Variants in CSTPP1 observed in about 807,000 individuals in gnomAD.
CSTPP1 encodes UPF0705 protein C11orf49.
chr11:47,128,310 T>C, the CSTPP1 span, among the ~76,000 whole-genome samples: 1 of 152,224 alleles, frequency 6.6e-6, no homozygotes, highest in African/African-American at 2.4e-5. Flanking sequence ...GGGTGAGAGC[T>C]GTTGAAGAGA....
chr11:47,108,622 G>A, the CSTPP1 span, among the ~76,000 whole-genome samples: 1 of 152,042 alleles, frequency 6.6e-6, no homozygotes, highest in Non-Finnish European at 1.5e-5. Context: ...GAGAAGGATG[G>A]GGAGCAGGAG....
the CSTPP1 span, among the ~76,000 whole-genome samples, chr11:47,130,211 A>G: frequency 1.3e-5 from 2 of 151,720 alleles, no homozygotes; most frequent in South Asian, 2.1e-4. Flanking sequence ...GAGCCGAGAT[A>G]GCGCCACTGC....
At chr11:46,965,424 C>T in the CSTPP1 span, among the ~76,000 whole-genome samples, 12,122 of 151,932 alleles carry the variant, frequency 0.08, 511 homozygotes, top group Non-Finnish European at 0.089. Context: ...GGGGTTTTGC[C>T]ATGTTGGTCA....
the CSTPP1 span, among the ~76,000 whole-genome samples, chr11:47,124,476 T>G: frequency 6.6e-6 from 1 of 152,316 alleles, no homozygotes; most frequent in Non-Finnish European, 1.5e-5. Flanking sequence ...TTTTGTTTAC[T>G]TTCTTAATTT....
the CSTPP1 span, among the ~76,000 whole-genome samples, chr11:47,058,180 A>T: frequency 2.6e-5 from 4 of 152,068 alleles, no homozygotes; most frequent in African/African-American, 7.2e-5. Context: ...CAAAAAATTT[A>T]AAAAATTAGC....
At chr11:47,143,796 T>C in the CSTPP1 span, among the ~76,000 whole-genome samples, 1 of 152,254 alleles carries the variant, frequency 6.6e-6, no homozygotes, top group Admixed American at 6.5e-5. Context: ...ATATACTAGC[T>C]GTGCCCTTGA....
the CSTPP1 span, among the ~76,000 whole-genome samples, chr11:46,995,608 G>A: frequency 1.3e-5 from 2 of 152,174 alleles, no homozygotes; most frequent in African/African-American, 2.4e-5. Context: ...TCTTCATGCT[G>A]AGTTCTAGTT....
At chr11:47,085,961 G>A in the CSTPP1 span, among the ~76,000 whole-genome samples, 1 of 151,486 alleles carries the variant, frequency 6.6e-6, no homozygotes, top group African/African-American at 2.4e-5. Context: ...CATGGGGAGG[G>A]GGAATTAGGG....
At chr11:47,026,030 C>G in the CSTPP1 span, among the ~76,000 whole-genome samples, 1 of 152,104 alleles carries the variant, frequency 6.6e-6, no homozygotes, top group Non-Finnish European at 1.5e-5. Context: ...TGAGGGAGGC[C>G]TCACCTGTGA....
chr11:47,114,595 T>C, the CSTPP1 span, among the ~76,000 whole-genome samples: 1 of 152,198 alleles, frequency 6.6e-6, no homozygotes, highest in Admixed American at 6.5e-5. Context: ...TTGTAGCAAT[T>C]GTGAATGGGA....
chr11:47,099,303 G>A, the CSTPP1 span, among the ~76,000 whole-genome samples: 4 of 152,252 alleles, frequency 2.6e-5, no homozygotes, highest in South Asian at 8.3e-4. Flanking sequence ...AATCTGGAAG[G>A]GAAAATGCCT....
chr11:46,965,048 G>C, the CSTPP1 span, among the ~76,000 whole-genome samples: 1 of 151,760 alleles, frequency 6.6e-6, no homozygotes, highest in African/African-American at 2.4e-5. Flanking sequence ...AGACTGGGGG[G>C]GTCGATTTCT....
the CSTPP1 span, among the ~76,000 whole-genome samples, chr11:47,158,894 G>A: frequency 6.6e-6 from 1 of 152,174 alleles, no homozygotes; most frequent in African/African-American, 2.4e-5. Context: ...CCAGGTGCCT[G>A]AGTCTCAAGG....
the CSTPP1 span, among the ~76,000 whole-genome samples, chr11:46,966,632 G>A: frequency 6.6e-6 from 1 of 152,118 alleles, no homozygotes; most frequent in Non-Finnish European, 1.5e-5. Context: ...AAAACAGCTA[G>A]TTGAGCTTGC....
chr11:47,108,063 T>C, the CSTPP1 span, among the ~76,000 whole-genome samples: 306 of 152,366 alleles, frequency 2.0e-3, 1 homozygote, highest in African/African-American at 5.1e-3. Flanking sequence ...ATCCAGTATA[T>C]TGCAAAGGTA....
the CSTPP1 span, among the ~76,000 whole-genome samples, chr11:46,972,418 G>C: frequency 3.0e-4 from 45 of 152,298 alleles, no homozygotes; most frequent in East Asian, 8.1e-3. Flanking sequence ...ATTGGTGCCT[G>C]TCTGTGGGAT....
the CSTPP1 span, among the ~76,000 whole-genome samples, chr11:47,009,521 G>GT: frequency 6.6e-6 from 1 of 152,214 alleles, no homozygotes; most frequent in Non-Finnish European, 1.5e-5. Flanking sequence ...AAATGGCTGA[G>GT]TGTGGTGGCT....
At chr11:46,960,938 G>A in the CSTPP1 span, among the ~76,000 whole-genome samples, 1 of 151,964 alleles carries the variant, frequency 6.6e-6, no homozygotes, top group African/African-American at 2.4e-5. Context: ...ATGTTTGATT[G>A]TATGGGTACA....
At chr11:47,104,659 G>A in the CSTPP1 span, among the ~76,000 whole-genome samples, 1 of 152,132 alleles carries the variant, frequency 6.6e-6, no homozygotes, top group Non-Finnish European at 1.5e-5. Context: ...CATCAAATGA[G>A]GTTAACGAGC....
Sources: gnomAD v4.1 joint callset for allele counts (sites outside exome capture counted in the v4.1 genomes callset) on GRCh38, gnomAD v4.1.1 for gene constraint, MANE v1.5 for transcripts, NCBI Gene and HGNC (gene_info 2026-07-23, HGNC 2026-07-21) for gene names.